The following MYO16 variants were observed in gnomAD, a reference collection of about 807,000 sequenced individuals.
MYO16 encodes the protein unconventional myosin-XVI.
A neutral mutation model predicts 205.3 loss-of-function variants in MYO16; 94 were observed. The ratio of observed to expected loss-of-function variants is 0.46; its 90% CI spans 0.39 to 0.54. MYO16 has a LOEUF of 0.54. MYO16 is among the 20% of genes least tolerant of loss of function. The pLI, the probability that MYO16 is intolerant of heterozygous loss-of-function variation, is 0.00. For missense variants in MYO16, 2,315 were observed against 2,387.5 expected, an observed-to-expected ratio of 0.97 and a Z score of 0.63; for synonymous variants, 988 against 954.0, an observed-to-expected ratio of 1.04 and a Z score of -0.66.
chr13:108,836,540 T>C (rs1876927072), intron 9 of MYO16, among the ~76,000 whole-genome samples: 1 of 152,108 alleles, frequency 6.6e-6, no homozygotes, highest in Non-Finnish European at 1.5e-5. Flanking sequence ...ACTGAAAGCT[T>C]GCACCATGCA....
At chr13:108,597,043 C>A (rs961104625) in intron 1 of MYO16, among the ~76,000 whole-genome samples, 2 of 152,160 alleles carry the variant, frequency 1.3e-5, no homozygotes, top group African/African-American at 4.8e-5. Context: ...TAAATTATCA[C>A]ATGTACCCTG....
chr13:109,053,628 G>A, intron 25 of MYO16, among the ~76,000 whole-genome samples: 1 of 152,026 alleles, frequency 6.6e-6, no homozygotes, highest in South Asian at 2.1e-4. Flanking sequence ...CTAAAGGACT[G>A]CAGAAGGGAG....
At chr13:108,654,099 G>T (rs1008786421) in intron 1 of MYO16, among the ~76,000 whole-genome samples, 29 of 149,510 alleles carry the variant, frequency 1.9e-4, no homozygotes, top group African/African-American at 6.9e-4. Flanking sequence ...CTTATGGGAT[G>T]GGGTTAGGGT....
chr13:108,867,744 C>T (rs747746764), intron 12 of MYO16, among the ~76,000 whole-genome samples: 3 of 152,110 alleles, frequency 2.0e-5, no homozygotes, highest in Non-Finnish European at 2.9e-5. Flanking sequence ...AAAGTCATGA[C>T]ACTCTAAAAA....
At chr13:108,577,560 C>A in the MYO16 span, among the ~76,000 whole-genome samples, 1 of 152,308 alleles carries the variant, frequency 6.6e-6, no homozygotes, top group South Asian at 2.1e-4. Context: ...TTCTGCTCTA[C>A]CCTTCAAGGC....
the MYO16 span, among the ~76,000 whole-genome samples, chr13:108,547,208 C>T: frequency 2.0e-5 from 3 of 149,894 alleles, 1 homozygote; most frequent in Admixed American, 2.0e-4. Context: ...GGAGATGGAG[C>T]TTACAGTGAG....
At chr13:109,015,061 C>G (rs1191544371) in intron 22 of MYO16, among the ~76,000 whole-genome samples, 1 of 152,172 alleles carries the variant, frequency 6.6e-6, no homozygotes, top group Non-Finnish European at 1.5e-5. Context: ...GGAACGCTTC[C>G]AGTTATTGCC....
At chr13:108,966,429 A>C (rs1335697570) in intron 20 of MYO16, among the ~76,000 whole-genome samples, 1 of 152,214 alleles carries the variant, frequency 6.6e-6, no homozygotes, top group African/African-American at 2.4e-5. Context: ...AATTTATATA[A>C]TTGGAAATAC....
intron 23 of MYO16, among the ~76,000 whole-genome samples, chr13:109,042,826 C>A (rs918262036): frequency 3.3e-5 from 5 of 152,164 alleles, no homozygotes; most frequent in African/African-American, 1.2e-4. Context: ...CTTCACAATT[C>A]GTTAACTTCA....
At chr13:109,024,919 C>G (rs1382741529) in intron 23 of MYO16, among the ~76,000 whole-genome samples, 3 of 152,124 alleles carry the variant, frequency 2.0e-5, no homozygotes, top group Non-Finnish European at 2.9e-5. Context: ...AAAAAAGCAG[C>G]AACACATTCT....
chr13:109,089,188 C>CATCATTATT (rs1314918977), intron 27 of MYO16, among the ~76,000 whole-genome samples: 3 of 147,824 alleles, frequency 2.0e-5, no homozygotes, highest in Non-Finnish European at 4.5e-5. Context: ...TTGTTTTCTG[C>CATCATTATT]ATTATTATTA....
chr13:108,817,341 A>G (rs1875675337), intron 7 of MYO16, among the ~76,000 whole-genome samples: 1 of 152,256 alleles, frequency 6.6e-6, no homozygotes, highest in African/African-American at 2.4e-5. Flanking sequence ...CTACAACTCA[A>G]CAATGAAGAG....
At chr13:108,670,828 G>A (rs1286695717) in intron 2 of MYO16, among the ~76,000 whole-genome samples, 2 of 152,098 alleles carry the variant, frequency 1.3e-5, no homozygotes, top group Admixed American at 6.6e-5. Context: ...ATATATGGAT[G>A]CCATTTTGGT....
intron 27 of MYO16, among the ~76,000 whole-genome samples, chr13:109,086,000 G>T (rs1412817857): frequency 1.3e-5 from 2 of 152,198 alleles, no homozygotes; most frequent in Non-Finnish European, 2.9e-5. Context: ...GTCTCTGTTT[G>T]CAGCAGAGAC....
chr13:109,074,812 G>A (rs559820849), intron 27 of MYO16, among the ~76,000 whole-genome samples: 10 of 152,102 alleles, frequency 6.6e-5, no homozygotes, highest in Admixed American at 4.6e-4. Flanking sequence ...ACAGCACGGG[G>A]GAACCACCCC....
intron 31 of MYO16, among the ~76,000 whole-genome samples, chr13:109,135,515 G>T (rs1329147310): frequency 6.6e-6 from 1 of 152,130 alleles, no homozygotes; most frequent in African/African-American, 2.4e-5. Flanking sequence ...TAGAGGTGAG[G>T]TCTTGCTATG....
chr13:108,527,259 C>G, the MYO16 span, among the ~76,000 whole-genome samples: 1 of 151,382 alleles, frequency 6.6e-6, no homozygotes, highest in Admixed American at 6.6e-5. Context: ...GTTTTTTTTT[C>G]TCTTAGCAAA....
At chr13:108,496,117 C>A in the MYO16 span, among the ~76,000 whole-genome samples, 1 of 152,080 alleles carries the variant, frequency 6.6e-6, no homozygotes, top group South Asian at 2.1e-4. Flanking sequence ...GAGGGTTGGA[C>A]GCGTCTGGGG....
At chr13:108,677,662 A>G (rs574069590) in intron 2 of MYO16, among the ~76,000 whole-genome samples, 1 of 152,110 alleles carries the variant, frequency 6.6e-6, no homozygotes, top group East Asian at 1.9e-4. Context: ...CTCTGTGTCA[A>G]TTTCTCGCGC....
Sources: allele counts gnomAD v4.1 joint callset (sites outside exome capture counted in the v4.1 genomes callset), GRCh38; gene constraint gnomAD v4.1.1; transcripts MANE v1.5; gene names NCBI Gene and HGNC (gene_info 2026-07-23, HGNC 2026-07-21).